The following DRC8 variants were observed in gnomAD, a reference collection of about 807,000 sequenced individuals.
DRC8 encodes dynein regulatory complex protein 8.
chr1:245,073,919 AAAG>A, the DRC8 span, among the ~76,000 whole-genome samples: 1 of 152,244 alleles, frequency 6.6e-6, no homozygotes, highest in Non-Finnish European at 1.5e-5. Flanking sequence ...AAAAAGAAGA[AAAG>A]AAAACTGCAT....
the DRC8 span, among the ~76,000 whole-genome samples, chr1:245,112,489 A>G: frequency 2.0e-5 from 3 of 152,220 alleles, no homozygotes; most frequent in Non-Finnish European, 4.4e-5. Context: ...GTTATTGAAA[A>G]TTTTACTATA....
the DRC8 span, among the ~76,000 whole-genome samples, chr1:245,088,547 T>C: frequency 1.0e-3 from 155 of 151,766 alleles, no homozygotes; most frequent in Non-Finnish European, 1.7e-3. This position sits in a 1 kb window ranked among gnomAD's most constrained non-coding sequence, Gnocchi z 4.6. Flanking sequence ...GGAACCGGAG[T>C]CCCTAACGAA....
chr1:245,067,499 T>C, the DRC8 span, among the ~76,000 whole-genome samples: 1 of 152,232 alleles, frequency 6.6e-6, no homozygotes, highest in African/African-American at 2.4e-5. Flanking sequence ...GTAATGACAC[T>C]AGTGAATCAT....
At chr1:245,083,943 T>C in the DRC8 span, 4 of 373,854 alleles carry the variant, frequency 1.1e-5, no homozygotes, top group Middle Eastern at 7.5e-4. Flanking sequence ...ATTTCAGGCA[T>C]TGCATTCAGA....
chr1:245,031,902 A>G, the DRC8 span, among the ~76,000 whole-genome samples: 4 of 152,202 alleles, frequency 2.6e-5, no homozygotes, highest in Non-Finnish European at 5.9e-5. Flanking sequence ...CAAGCTGTGG[A>G]TATCAATACA....
the DRC8 span, among the ~76,000 whole-genome samples, chr1:245,054,278 C>G: frequency 6.6e-6 from 1 of 152,072 alleles, no homozygotes; most frequent in Non-Finnish European, 1.5e-5. Flanking sequence ...CCCACTTCCT[C>G]TGGGCTCAAG....
At chr1:245,077,727 G>T in the DRC8 span, among the ~76,000 whole-genome samples, 4 of 152,122 alleles carry the variant, frequency 2.6e-5, no homozygotes, top group Admixed American at 2.6e-4. Flanking sequence ...ATCAACTCAA[G>T]CTGGATTAAA....
At chr1:245,117,115 C>T in the DRC8 span, among the ~76,000 whole-genome samples, 1 of 152,118 alleles carries the variant, frequency 6.6e-6, no homozygotes, top group Non-Finnish European at 1.5e-5. Context: ...GGCAGTGGTA[C>T]AATCTCTGCT....
chr1:245,065,152 C>T, the DRC8 span, among the ~76,000 whole-genome samples: 15 of 140,722 alleles, frequency 1.1e-4, no homozygotes, highest in African/African-American at 3.9e-4. Context: ...GTCTTGAACA[C>T]CTGACCTCAA....
At chr1:245,008,853 T>TTG in the DRC8 span, among the ~76,000 whole-genome samples, 56 of 150,724 alleles carry the variant, frequency 3.7e-4, no homozygotes, top group East Asian at 5.9e-3. Context: ...TTAAAAAATT[T>TTG]TGTGTGTGTG....
At chr1:245,059,283 AT>A in the DRC8 span, 3 of 755,744 alleles carry the variant, frequency 4.0e-6, no homozygotes, top group African/African-American at 5.4e-5. Context: ...TATCGGAGTG[AT>A]TTGGTTTCCT....
chr1:244,998,414 A>T, the DRC8 span, among the ~76,000 whole-genome samples: 1 of 152,004 alleles, frequency 6.6e-6, no homozygotes, highest in Admixed American at 6.6e-5. Flanking sequence ...AGGTCTTGCT[A>T]TGTTGCCCGG....
the DRC8 span, among the ~76,000 whole-genome samples, chr1:245,063,847 G>A: frequency 2.6e-5 from 4 of 152,052 alleles, no homozygotes; most frequent in South Asian, 2.1e-4. Flanking sequence ...TCAGCCTCCC[G>A]AGTAGCTGGG....
At chr1:244,978,404 A>G in the DRC8 span, among the ~76,000 whole-genome samples, 10 of 151,734 alleles carry the variant, frequency 6.6e-5, no homozygotes, top group Admixed American at 6.6e-5. Flanking sequence ...GAGGTAGGAG[A>G]ATCACTTGAA....
chr1:245,067,408 G>A, the DRC8 span, among the ~76,000 whole-genome samples: 71,118 of 152,014 alleles, frequency 0.47, 17,735 homozygotes, highest in East Asian at 0.7. Flanking sequence ...GTGGTCAGTG[G>A]TTTAATGTTA....
chr1:245,006,551 C>A, the DRC8 span, among the ~76,000 whole-genome samples: 1 of 152,082 alleles, frequency 6.6e-6, no homozygotes, highest in African/African-American at 2.4e-5. Context: ...GTGATCCACC[C>A]ACCTAGGCCT....
the DRC8 span, among the ~76,000 whole-genome samples, chr1:245,119,125 T>C: frequency 6.6e-6 from 1 of 152,168 alleles, no homozygotes; most frequent in African/African-American, 2.4e-5. Flanking sequence ...GTGGAAATCA[T>C]GGGTAAGTTT....
chr1:245,039,484 A>AG, the DRC8 span, among the ~76,000 whole-genome samples: 1 of 133,822 alleles, frequency 7.5e-6, no homozygotes, highest in Non-Finnish European at 1.7e-5. Flanking sequence ...TAAAAAAAAA[A>AG]AAAAAGAGTT....
At chr1:244,977,094 T>C in the DRC8 span, among the ~76,000 whole-genome samples, 16 of 152,226 alleles carry the variant, frequency 1.1e-4, no homozygotes, top group Non-Finnish European at 4.4e-5. Flanking sequence ...GTCAAATTCA[T>C]GGAGACAGAA....
Sources: allele counts gnomAD v4.1 joint callset (sites outside exome capture counted in the v4.1 genomes callset), GRCh38; gene constraint gnomAD v4.1.1; non-coding constraint Gnocchi (gnomAD v3.1); transcripts MANE v1.5; gene names NCBI Gene and HGNC (gene_info 2026-07-23, HGNC 2026-07-21).